Variants in ZNF782 observed in about 807,000 individuals in gnomAD.
ZNF782 encodes zinc finger protein 782.
In ZNF782, 12 loss-of-function variants were observed where a neutral mutation model predicts 13.0. The observed-to-expected ratio is 0.92, with a 90% CI of 0.59 to 1.50. The LOEUF (loss-of-function observed/expected upper bound fraction) is 1.50, where lower values mean the gene tolerates loss of function less well. Among genes scored for constraint, ZNF782 ranks in the 40% most tolerant of loss-of-function variants. The pLI, the probability that ZNF782 is intolerant of heterozygous loss-of-function variation, is 0.00. For synonymous variants in ZNF782, 284 were observed against 283.0 expected (o/e 1.00, Z -0.04); for missense variants, 770 against 822.9 (o/e 0.94, Z 0.79).
chr9:96,932,631 C>T, the ZNF782 span, among the ~76,000 whole-genome samples: 4 of 151,784 alleles, frequency 2.6e-5, no homozygotes, highest in African/African-American at 7.3e-5. Flanking sequence ...GTCACTGTCC[C>T]GTGAGTCCAG....
chr9:96,911,724 G>T, the ZNF782 span, among the ~76,000 whole-genome samples: 14 of 151,478 alleles, frequency 9.2e-5, no homozygotes, highest in East Asian at 2.0e-4. Flanking sequence ...GTTTCACCGT[G>T]TTAGCGAGGA....
the ZNF782 span, chr9:96,918,763 G>A: frequency 2.0e-4 from 32 of 163,374 alleles, 1 homozygote; most frequent in Admixed American, 5.1e-4. Flanking sequence ...CTTGTGTGCC[G>A]AGGAGACTCC....
the ZNF782 span, among the ~76,000 whole-genome samples, chr9:96,887,127 A>G: frequency 6.6e-6 from 1 of 151,770 alleles, no homozygotes; most frequent in African/African-American, 2.4e-5. Flanking sequence ...CAGCCTGGCC[A>G]ACATGGTGAA....
At chr9:96,860,926 T>C (rs1851695728) in intron 2 of ZNF782, among the ~76,000 whole-genome samples, 1 of 152,252 alleles carries the variant, frequency 6.6e-6, no homozygotes, top group African/African-American at 2.4e-5. Context: ...TCTCATCTTA[T>C]GCAAACATAA....
At chr9:96,844,795 T>C in intron 4 of ZNF782, 95 bp downstream of exon 4, 1 of 1,571,872 alleles carries the variant, frequency 6.4e-7, no homozygotes, top group Non-Finnish European at 8.7e-7. Flanking sequence ...AGAATTGCAC[T>C]GTAGAGGGAG....
chr9:96,902,421 C>CAAAAA, the ZNF782 span, among the ~76,000 whole-genome samples: 1 of 70,220 alleles, frequency 1.4e-5, no homozygotes, highest in Non-Finnish European at 2.1e-5. Context: ...ATCTCCATCT[C>CAAAAA]AAAAAAAAAA....
the ZNF782 span, among the ~76,000 whole-genome samples, chr9:96,918,226 G>A: frequency 1.3e-5 from 2 of 150,796 alleles, no homozygotes; most frequent in Middle Eastern, 3.4e-3. Context: ...CATGGTGAAA[G>A]CCTGTCTGTA....
At chr9:96,834,961 G>A (rs1850940599) in intron 4 of ZNF782, among the ~76,000 whole-genome samples, 1 of 152,270 alleles carries the variant, frequency 6.6e-6, no homozygotes, top group East Asian at 1.9e-4. Flanking sequence ...CTTACAAATT[G>A]GTTAAATGGT....
In ZNF782 at chr9:96,863,124, AT is replaced by A. The variant is rs372019359; in HGVS notation, c.-456-1522del. 6.2e-3 allele frequency among the ~76,000 whole-genome samples: 949 copies of A among 152,248 alleles called. 13 individuals are homozygous for A. Among genetic ancestry groups the A allele is most frequent in the African/African-American group, 0.021 (891 of 41,524 alleles). ...CATTACAACAAAGTACTTAACATAC[AT>A]TTATCTTGTCCCTCTGTTGATTATT... On this transcript the variant is annotated intron_variant, in intron 1 of 5. Coordinates refer to the ZNF782 transcript ENST00000498811.
intron 4 of ZNF782, among the ~76,000 whole-genome samples, chr9:96,837,040 C>G (rs1851025126): frequency 6.6e-6 from 1 of 152,168 alleles, no homozygotes; most frequent in Admixed American, 6.5e-5. Context: ...ATTACCCAGT[C>G]TCAGGTATTC....
chr9:96,878,026 T>A (rs943352111), upstream of ZNF782, among the ~76,000 whole-genome samples: 8 of 152,200 alleles, frequency 5.3e-5, no homozygotes, highest in African/African-American at 2.4e-5. Flanking sequence ...TGTTAACTTG[T>A]TATTTTATTC....
chr9:96,846,460 A>T (rs2118749768), intron 3 of ZNF782, among the ~76,000 whole-genome samples: 1 of 152,286 alleles, frequency 6.6e-6, no homozygotes, highest in Middle Eastern at 3.4e-3. Flanking sequence ...CACCAAACAT[A>T]GAAGGATTCA....
chr9:96,889,146 A>G, the ZNF782 span: 2 of 152,108 alleles, frequency 1.3e-5, no homozygotes, highest in Non-Finnish European at 2.9e-5. Context: ...TTCTTTCTAC[A>G]TTACTCCTCC....
At chr9:96,878,985 A>AT (rs1182740039), upstream of ZNF782, among the ~76,000 whole-genome samples, 1 of 152,212 alleles carries the variant, frequency 6.6e-6, no homozygotes, top group Non-Finnish European at 1.5e-5. Context: ...ATGGTGCACC[A>AT]TAAATTTCTT....
At chr9:96,883,321 G>C in the ZNF782 span, among the ~76,000 whole-genome samples, 294 of 152,146 alleles carry the variant, frequency 1.9e-3, no homozygotes, top group South Asian at 4.2e-3. Context: ...CTAAAAGGAG[G>C]GGTTTGTTTT....
the ZNF782 span, chr9:96,903,081 G>A: frequency 6.6e-6 from 1 of 150,888 alleles, no homozygotes. Context: ...TGGGATTACA[G>A]GCATAAGCCA....
chr9:96,925,764 C>T, the ZNF782 span, among the ~76,000 whole-genome samples: 5 of 147,776 alleles, frequency 3.4e-5, no homozygotes, highest in African/African-American at 5.3e-5. Flanking sequence ...CACATGATGA[C>T]GCTGAAGAGC....
intron 3 of ZNF782, 74 bp from the exon 4 acceptor site, chr9:96,845,090 A>C (rs1851309099): frequency 6.4e-7 from 1 of 1,573,886 alleles, no homozygotes; most frequent in Admixed American, 1.7e-5. Context: ...AAACTAACTC[A>C]TTATGTTTAC....
At chr9:96,888,990 G>A in the ZNF782 span, 2 of 152,198 alleles carry the variant, frequency 1.3e-5, no homozygotes, top group East Asian at 3.9e-4. Flanking sequence ...ATCCTCAAGA[G>A]CTTTTTCCAA....
Sources: gnomAD v4.1 joint callset for allele counts (sites outside exome capture counted in the v4.1 genomes callset) on GRCh38, gnomAD v4.1.1 for gene constraint, MANE v1.5 for transcripts, NCBI Gene and HGNC (gene_info 2026-07-23, HGNC 2026-07-21) for gene names.